ZFR: variants seen among roughly 807,000 people sequenced by gnomAD.
ZFR encodes the protein zinc finger RNA binding protein.
In ZFR, 19 loss-of-function variants were observed where a neutral mutation model predicts 130.7. The observed-to-expected ratio is 0.15, with a 90% confidence interval of 0.10 to 0.21. The LOEUF (loss-of-function observed/expected upper bound fraction) is 0.21, where lower values mean the gene tolerates loss of function less well. Ranked by LOEUF, ZFR falls within the 10% of genes least tolerant of loss-of-function variation. The probability of loss-of-function intolerance (pLI) is 1.00; values close to 1 mark genes in which losing one functional copy is unlikely to be tolerated. For synonymous variants in ZFR, 466 were observed against 456.9 expected, an observed-to-expected ratio of 1.02 and a Z score of -0.25; for missense variants, 872 against 1,321.5, an observed-to-expected ratio of 0.66 and a Z score of 5.27.
chr5:32,404,151 A>AGATT, intron 6 of ZFR, 54 bp from the exon 7 acceptor site: 2 of 1,456,406 alleles, frequency 1.4e-6, no homozygotes, highest in Admixed American at 4.4e-5. Context: ...TTACACATTA[A>AGATT]GATTATTCAA....
At chr5:32,387,091 A>C (rs1378709593) in intron 14 of ZFR, among the ~76,000 whole-genome samples, 1 of 152,164 alleles carries the variant, frequency 6.6e-6, no homozygotes, top group Non-Finnish European at 1.5e-5. Context: ...GAAAATATTC[A>C]CAATAAAACT....
chr5:32,408,010 A>C (rs1753615125), intron 5 of ZFR, among the ~76,000 whole-genome samples: 1 of 152,202 alleles, frequency 6.6e-6, no homozygotes, highest in Non-Finnish European at 1.5e-5. Flanking sequence ...GCCCTTTAAC[A>C]GAGTTCCAGA....
chr5:32,395,299 T>C lies in ZFR; in HGVS notation c.1839A>G (p.Lys613=). 2 of 1,577,212 alleles carry C rather than the reference T, an allele frequency of 1.3e-6. 1 individual carries two copies. The highest frequency in any genetic ancestry group is 3.4e-4 in the Middle Eastern group (2 of 5,892). The change falls in exon 11 of 20, where the codon AAA becomes AAG. Residue 613 remains lysine, a synonymous_variant. Coordinates refer to ENST00000265069, the MANE Select transcript of ZFR (RefSeq NM_016107.5). ...GRRHRLQYKK[K]VNPDLQVEVK... is the part of the protein sequence containing the mutation. The stretch of plus-strand genomic sequence containing the variant: ...CTTCTACTTGCAAATCTGGATTTAC[T>C]TTTTTCTATTAATATAAATAAGACA...
intron 17 of ZFR, among the ~76,000 whole-genome samples, chr5:32,369,297 G>C (rs1464964451): frequency 4.6e-5 from 7 of 151,932 alleles, no homozygotes; most frequent in Admixed American, 2.6e-4. Context: ...GCAACAGCCG[G>C]GAGAACTTTT....
At chr5:32,392,508 A>G (rs1753205074) in intron 11 of ZFR, among the ~76,000 whole-genome samples, 1 of 152,232 alleles carries the variant, frequency 6.6e-6, no homozygotes, top group Admixed American at 6.5e-5. Context: ...TCAACACATA[A>G]GAAAAAACAA....
chr5:32,409,941 C>A (rs1753662139), intron 5 of ZFR, among the ~76,000 whole-genome samples: 1 of 151,974 alleles, frequency 6.6e-6, no homozygotes, highest in Non-Finnish European at 1.5e-5. Flanking sequence ...CCACTACACT[C>A]CAGCCTGGGT....
chr5:32,405,677 C>CA (rs1753565178), intron 6 of ZFR, among the ~76,000 whole-genome samples: 1 of 152,184 alleles, frequency 6.6e-6, no homozygotes, highest in African/African-American at 2.4e-5. Flanking sequence ...TAAGACCGCC[C>CA]ATCATTCTTG....
chr5:32,379,206 C>T lies in ZFR; in HGVS notation c.2744G>A (p.Arg915Lys), dbSNP rs369686567. ...CACACAGGACTGCAGACCATTAGCT[C>T]TAGCCTTGAGAGCAACATAAAAACC... ...ALRHAKWFQARANGLQSCVII... is the reference protein window; with the variant it reads ...ALRHAKWFQAKANGLQSCVII... Residue 915 changes from arginine (R) to lysine (K), a missense_variant, in exon 17 of 20, where the codon AGA becomes AAA. Around this residue, in one of 7 missense-constraint regions of ZFR, gnomAD observed 158 missense variants for 264.0 expected, o/e 0.60. Transcript: ENST00000265069. The T allele has an allele frequency of 4.6e-5, 75 of 1,613,574 alleles. No homozygotes were observed. The highest frequency in any genetic ancestry group is 6.2e-5 in the Non-Finnish European group (73 of 1,179,730).
intron 3 of ZFR, among the ~76,000 whole-genome samples, chr5:32,418,542 A>C (rs1241096967): frequency 6.6e-6 from 1 of 152,200 alleles, no homozygotes; most frequent in East Asian, 1.9e-4. Flanking sequence ...GAGGGGTAGA[A>C]AGGTATGTAG....
intron 3 of ZFR, among the ~76,000 whole-genome samples, chr5:32,419,484 C>T (rs187046362): frequency 2.4e-4 from 36 of 152,182 alleles, no homozygotes; most frequent in African/African-American, 8.2e-4. Flanking sequence ...ACTACAGGTG[C>T]GCACCACTGC....
intron 9 of ZFR, among the ~76,000 whole-genome samples, chr5:32,399,448 T>C (rs561120087): frequency 1.3e-5 from 2 of 152,292 alleles, no homozygotes; most frequent in African/African-American, 4.8e-5. Context: ...TCAAAGTAAA[T>C]AGTAGTCATA....
chr5:32,407,082 T>C, intron 5 of ZFR, 61 bp from the exon 6 acceptor site: 1 of 1,335,840 alleles, frequency 7.5e-7, no homozygotes, highest in Non-Finnish European at 9.8e-7. Context: ...AAGTTAAAAT[T>C]TACAAATTTA....
intron 14 of ZFR, among the ~76,000 whole-genome samples, chr5:32,387,119 A>C (rs1394517127): frequency 2.6e-5 from 4 of 152,162 alleles, no homozygotes; most frequent in Non-Finnish European, 1.5e-5. Context: ...TTAAAATCAG[A>C]AACACTATTT....
chr5:32,364,155 AAG>A lies in ZFR; in HGVS notation c.2947+7_2947+8del, dbSNP rs918144214. 1.2e-6 allele frequency: 2 copies of A among 1,606,932 alleles called. No individual in the cohort carries two copies. Among genetic ancestry groups the A allele is most frequent in the Non-Finnish European group, 1.7e-6 (2 of 1,174,878 alleles). On this transcript the variant is annotated splice_region_variant and intron_variant, in intron 18 of 19. Transcript: ENST00000265069. Reference sequence around the variant, plus strand: ...CATTTTACTTCATTAAAAACAAAGTAAGAGTTACCTTTAAGAATAATCCCTGA... The same window carrying A: ...CATTTTACTTCATTAAAAACAAAGTAAGTTACCTTTAAGAATAATCCCTGA...
chr5:32,424,392 G>A (rs324431), intron 2 of ZFR, among the ~76,000 whole-genome samples: 62,570 of 151,972 alleles, frequency 0.41, 13,079 homozygotes, highest in East Asian at 0.56. Context: ...TTAGCTGGGC[G>A]CAGTGGCGGG....
chr5:32,370,310 G>GGAGAGAGAGAGAGAGAGA (rs769362722), intron 17 of ZFR, among the ~76,000 whole-genome samples: 3 of 69,778 alleles, frequency 4.3e-5, no homozygotes, highest in Admixed American at 3.3e-4. Context: ...TGTTGTGGGG[G>GGAGAGAGAGAGAGAGAGA]GAGAGAGAGA....
intron 19 of ZFR, among the ~76,000 whole-genome samples, chr5:32,361,960 A>G (rs926587030): frequency 2.6e-5 from 4 of 152,178 alleles, no homozygotes; most frequent in African/African-American, 7.2e-5. Flanking sequence ...GGAATACTCC[A>G]GTAAGTAAAA....
intron 4 of ZFR, among the ~76,000 whole-genome samples, chr5:32,417,306 C>T (rs1412150911): frequency 6.6e-6 from 1 of 152,096 alleles, no homozygotes; most frequent in Non-Finnish European, 1.5e-5. Context: ...AAAGGGTCTC[C>T]ACTGGTTACA....
chr5:32,382,936 A>G (rs1383074358), intron 15 of ZFR, among the ~76,000 whole-genome samples: 2 of 152,244 alleles, frequency 1.3e-5, no homozygotes, highest in Non-Finnish European at 2.9e-5. Context: ...AAAGCAAAAA[A>G]AAATCAGTTA....
Sources: allele counts gnomAD v4.1 joint callset (sites outside exome capture counted in the v4.1 genomes callset), GRCh38; gene constraint gnomAD v4.1.1; regional missense constraint gnomAD v4.1.1; transcripts MANE v1.5; gene names NCBI Gene and HGNC (gene_info 2026-07-23, HGNC 2026-07-21).